The following ADGRE1 variants were observed in gnomAD, a reference collection of about 807,000 sequenced individuals.
ADGRE1 encodes EGF-like module receptor 1.
Under a neutral mutation model 102.7 loss-of-function variants are expected in ADGRE1, and 82 were observed. The ratio of observed to expected loss-of-function variants is 0.80; its 90% CI spans 0.67 to 0.96. The LOEUF (loss-of-function observed/expected upper bound fraction) is 0.96. Ranked by LOEUF, ADGRE1 falls within the 40% of genes least tolerant of loss-of-function variation. ADGRE1 has a pLI of 0.00. For missense variants in ADGRE1, 1,032 were observed against 1,085.3 expected (o/e 0.95, Z 0.69); for synonymous variants, 398 against 399.6 (o/e 1.00, Z 0.05).
chr19:6,901,913 C>A lies in ADGRE1; in HGVS notation c.553C>A (p.His185Asn). 6.2e-7 allele frequency: 1 copy of A among 1,614,198 alleles called. No homozygotes were observed. The highest frequency in any genetic ancestry group is 8.5e-7 in the Non-Finnish European group (1 of 1,180,034). ...ECADPRACPE[H>N]ATCNNTVGNY... ...TGCAGATCCAAGAGCTTGCCCAGAG[C>A]ATGCAACTTGTAATAACACTGTTGG... The change falls in exon 6 of 21, where the codon CAT becomes AAT. Residue 185 changes from histidine to asparagine, a missense_variant. Physicochemically the swap from His to Asn is moderately conservative, Grantham distance 68 (BLOSUM62 1). Coordinates refer to ENST00000312053, the MANE Select transcript of ADGRE1 (RefSeq NM_001974.5).
chr19:6,891,125 T>C (rs1339498128), intron 2 of ADGRE1: 2 of 152,456 alleles, frequency 1.3e-5, no homozygotes, highest in African/African-American at 4.8e-5. Flanking sequence ...TCATGGGGGA[T>C]GGTTTCCCCC....
rs71177133 is a variant in ADGRE1 at position 6,934,600 on chromosome 19, A to AT, written c.2290-371dup. Among the ~76,000 whole-genome samples the AT allele has an allele frequency of 8.9e-3, 744 of 84,052 alleles. 11 individuals are homozygous for AT. Among genetic ancestry groups the AT allele is most frequent in the East Asian group, 0.081 (179 of 2,198 alleles). 55.1% of individuals were successfully genotyped at this position (84,052 alleles called of 152,430 possible). ...CACACCTGCCTAATTTAATTTTTGT[A>AT]TTTTTTTTTTTTTTTTGAGATGGAG... On this transcript the variant is annotated intron_variant, in intron 17 of 20. Coordinates refer to ENST00000312053, the MANE Select transcript of ADGRE1 (RefSeq NM_001974.5).
intron 17 of ADGRE1, among the ~76,000 whole-genome samples, chr19:6,930,967 C>G (rs1016460412): frequency 3.3e-5 from 5 of 152,008 alleles, no homozygotes; most frequent in Admixed American, 6.6e-5. Context: ...ATCTACAATG[C>G]AATTATTATT....
intron 20 of ADGRE1, 105 bp downstream of exon 20, chr19:6,937,753 G>T (rs1975486718): frequency 8.4e-6 from 8 of 957,646 alleles, no homozygotes; most frequent in Non-Finnish European, 1.3e-5. Flanking sequence ...AGCTGAGGGT[G>T]CCCACCCTAG....
chr19:6,920,756 C>T (rs946276467), intron 13 of ADGRE1, among the ~76,000 whole-genome samples: 5 of 151,748 alleles, frequency 3.3e-5, no homozygotes, highest in African/African-American at 9.7e-5. Context: ...GTGATCCACC[C>T]GCCTCAGCCT....
At chr19:6,928,352 G>A (rs527419485) in intron 17 of ADGRE1, 141 bp downstream of exon 17, 74 of 1,536,578 alleles carry the variant, frequency 4.8e-5, no homozygotes, top group South Asian at 2.1e-4. Flanking sequence ...CAGGCCGGGC[G>A]TGGTGGCTCA....
At chr19:6,902,690 C>G (rs947824559) in intron 6 of ADGRE1, among the ~76,000 whole-genome samples, 1 of 151,806 alleles carries the variant, frequency 6.6e-6, no homozygotes, top group Admixed American at 6.6e-5. Flanking sequence ...ATCTGCCTGC[C>G]TCGGCTTCTC....
intron 15 of ADGRE1, among the ~76,000 whole-genome samples, chr19:6,925,164 C>T (rs1474558911): frequency 6.6e-6 from 1 of 152,132 alleles, no homozygotes; most frequent in East Asian, 1.9e-4. Context: ...TCTTGTTGCC[C>T]AGGCTGGAGT....
At chr19:6,915,939 A>AC (rs1974360607) in intron 11 of ADGRE1, among the ~76,000 whole-genome samples, 1 of 151,340 alleles carries the variant, frequency 6.6e-6, no homozygotes, top group Non-Finnish European at 1.5e-5. Context: ...AAAAAAAAAA[A>AC]AAAAAAACTT....
At chr19:6,906,946 A>G (rs182766816) in intron 9 of ADGRE1, among the ~76,000 whole-genome samples, 249 of 152,254 alleles carry the variant, frequency 1.6e-3, no homozygotes, top group Non-Finnish European at 2.9e-3. Flanking sequence ...GCCTATCTAA[A>G]ACTTGAGGAT....
intron 5 of ADGRE1, among the ~76,000 whole-genome samples, chr19:6,900,579 G>T (rs538754719): frequency 1.4e-3 from 219 of 152,262 alleles, no homozygotes; most frequent in Non-Finnish European, 1.9e-3. Context: ...CTCCTCTCTA[G>T]TCTTGCCTTT....
intron 2 of ADGRE1, among the ~76,000 whole-genome samples, chr19:6,894,651 T>C (rs1411655243): frequency 6.6e-6 from 1 of 152,180 alleles, no homozygotes; most frequent in East Asian, 1.9e-4. Context: ...ATTTGAGTTT[T>C]ATTTCTAAGG....
Position 6,933,385 on chromosome 19 carries a change from C to CTT in ADGRE1, c.2290-1584_2290-1583dup, listed in dbSNP as rs34493324. The stretch of plus-strand genomic sequence containing the variant: ...AGGGGAAGTTGGCAAAGTGTGAAGA[C>CTT]TTTTTTTTTTTTTTTTTTTGAGACA... On this transcript the variant is annotated intron_variant, in intron 17 of 20. Coordinates refer to ENST00000312053, the MANE Select transcript of ADGRE1 (RefSeq NM_001974.5). Among the ~76,000 whole-genome samples, 607 of 129,862 alleles carry CTT rather than the reference C, an allele frequency of 4.7e-3. 8 individuals carry two copies. The highest frequency in any genetic ancestry group is 0.016 in the African/African-American group (551 of 34,332). 85.2% of individuals were successfully genotyped at this position (129,862 alleles called of 152,430 possible).
intron 16 of ADGRE1, among the ~76,000 whole-genome samples, chr19:6,927,813 C>A (rs1974982778): frequency 6.6e-6 from 1 of 152,032 alleles, no homozygotes; most frequent in South Asian, 2.1e-4. Context: ...AGGCGTGAGA[C>A]CCCACGCCCG....
intron 11 of ADGRE1, among the ~76,000 whole-genome samples, chr19:6,915,756 C>T (rs891141228): frequency 3.3e-5 from 5 of 151,790 alleles, no homozygotes; most frequent in Admixed American, 2.6e-4. Context: ...CCCATCTCTA[C>T]TAAAAATACA....
rs1973778740 is a variant in ADGRE1, at chr19:6,901,976, A to C, written c.616A>C (p.Ser206Arg). 1 of 1,614,090 alleles carries C rather than the reference A, an allele frequency of 6.2e-7. No individual in the cohort carries two copies. The highest frequency in any genetic ancestry group is 1.1e-5 in the South Asian group (1 of 91,088). ...SCFCNPGFES[S>R]SGHLSFQGLK... ...TTTCTGCAACCCAGGATTTGAATCC[A>C]GCAGTGGCCACTTGAGTTTCCAGGG... is the stretch of plus-strand genomic sequence containing the variant. The change falls in exon 6 of 21, where the codon AGC becomes CGC. Residue 206 changes from serine to arginine, a missense_variant. Coordinates refer to ENST00000312053, the MANE Select transcript of ADGRE1 (RefSeq NM_001974.5).
intron 2 of ADGRE1, chr19:6,896,194 C>T (rs370278277): frequency 3.3e-4 from 177 of 532,726 alleles, no homozygotes; most frequent in African/African-American, 3.0e-3. Flanking sequence ...TTCATCTTAA[C>T]TTTTATCTTA....
chr19:6,899,314 T>G (rs953040855), intron 5 of ADGRE1, among the ~76,000 whole-genome samples: 3 of 152,142 alleles, frequency 2.0e-5, no homozygotes, highest in Non-Finnish European at 2.9e-5. Flanking sequence ...CTAAACATCC[T>G]ATAATGCACC....
In ADGRE1 at chr19:6,924,875, C is replaced by T. The variant is rs926971017; in HGVS notation, c.1986+3C>T. ...GTATACACAAGACTGACAACAAGGTCTACATCGCTCGGGCTGTGTCCCCAC... is the reference window on the plus strand; with the variant it reads ...GTATACACAAGACTGACAACAAGGTTTACATCGCTCGGGCTGTGTCCCCAC... On this transcript the variant is annotated splice_donor_region_variant and intron_variant, in intron 15 of 20. Transcript: ENST00000312053. 6.2e-7 allele frequency: 1 copy of T among 1,613,772 alleles called. No homozygotes were observed. Among genetic ancestry groups the T allele is most frequent in the Non-Finnish European group, 8.5e-7 (1 of 1,179,832 alleles).
Sources: gnomAD v4.1 joint callset for allele counts (sites outside exome capture counted in the v4.1 genomes callset) on GRCh38, gnomAD v4.1.1 for gene constraint, MANE v1.5 for transcripts, NCBI Gene and HGNC (gene_info 2026-07-23, HGNC 2026-07-21) for gene names.